Variants in MRC2 observed in about 807,000 individuals in gnomAD.
The protein encoded by MRC2 is C-type mannose receptor 2.
MRC2 carries 84 observed loss-of-function variants against 206.2 expected under a neutral mutation model. That is an observed-to-expected ratio of 0.41 (90% CI 0.34 to 0.49). MRC2 has a LOEUF of 0.49. Among genes scored for constraint, MRC2 ranks in the 20% least tolerant of loss-of-function variants. MRC2 has a pLI of 0.31. For missense variants in MRC2, 1,676 were observed against 2,001.5 expected (o/e 0.84, Z 3.10); for synonymous variants, 798 against 800.0 (o/e 1.00, Z 0.04).
chr17:62,651,933 T>C (rs2465421), intron 1 of MRC2, among the ~76,000 whole-genome samples: 99,148 of 152,116 alleles, frequency 0.65, 32,462 homozygotes, highest in East Asian at 0.82. Context: ...GAATACATTT[T>C]GCTACACATT....
In MRC2 at chr17:62,664,046, G is replaced by A. The variant is rs1190858776; in HGVS notation, c.119-502G>A. ...GGGATCTCGGCTCACTGCAAGCTCC[G>A]CCTCCCGGGTTCACGCCATTCTCCT... On this transcript the variant is annotated intron_variant, in intron 1 of 29. Coordinates refer to ENST00000303375, the MANE Select transcript of MRC2 (RefSeq NM_006039.5). The surrounding 1 kb of genome is among the most constrained non-coding windows in gnomAD (Gnocchi z 4.7). Among the ~76,000 whole-genome samples the A allele has an allele frequency of 7.0e-5, 10 of 143,636 alleles. No homozygotes were observed. The East Asian group carries it at 1.1e-3, about 15-fold the overall frequency. 94.2% of individuals were successfully genotyped at this position (143,636 alleles called of 152,430 possible).
chr17:62,680,760 C>T lies in MRC2; in HGVS notation c.2474-40C>T, dbSNP rs1008404680. ...GCCTCCGGGGCCTGGCGTGCAGCCT[C>T]TGCCTGGCCGCCGCTCCCACGCCCG... On this transcript the variant is annotated intron_variant, in intron 16 of 29. Coordinates refer to ENST00000303375, the MANE Select transcript of MRC2 (RefSeq NM_006039.5). The surrounding 1 kb of genome is among the most constrained non-coding windows in gnomAD (Gnocchi z 4.8). 4.6e-6 allele frequency: 7 copies of T among 1,520,336 alleles called. No homozygotes were observed. Among genetic ancestry groups the T allele is most frequent in the Non-Finnish European group, 6.2e-6 (7 of 1,136,026 alleles). 94.2% of individuals were successfully genotyped at this position (1,520,336 alleles called of 1,614,324 possible). A position where few individuals can be genotyped will look rare whatever the true frequency, so the allele number is the denominator to read the frequency against.
intron 26 of MRC2, 64 bp from the exon 27 acceptor site, chr17:62,690,578 C>T: frequency 6.8e-7 from 1 of 1,464,750 alleles, no homozygotes; most frequent in African/African-American, 1.7e-5. Context: ...GCTGGAGCAG[C>T]TCTGGGGGAC....
chr17:62,681,618 A>G (rs146096436), intron 18 of MRC2: 18 of 530,072 alleles, frequency 3.4e-5, no homozygotes, highest in Non-Finnish European at 5.9e-5. Context: ...TTTCTGGAGC[A>G]GCAAGTGTCC....
intron 1 of MRC2, among the ~76,000 whole-genome samples, chr17:62,651,675 A>G (rs1598974293): frequency 1.3e-5 from 2 of 152,280 alleles, no homozygotes; most frequent in African/African-American, 4.8e-5. Context: ...CCCGGGTTCA[A>G]GCAATTCTCC....
chr17:62,678,462 G>C, intron 12 of MRC2, 42 bp from the exon 13 acceptor site: 1 of 1,596,066 alleles, frequency 6.3e-7, no homozygotes, highest in Non-Finnish European at 8.5e-7. Context: ...TGAGGGGTGG[G>C]CCAGTGGGGA....
At chr17:62,655,744 A>G (rs2088611906) in intron 1 of MRC2, among the ~76,000 whole-genome samples, 1 of 151,582 alleles carries the variant, frequency 6.6e-6, no homozygotes, top group Admixed American at 6.6e-5. Context: ...AAAAAGAAAA[A>G]GAAAAGAAAA....
intron 1 of MRC2, among the ~76,000 whole-genome samples, chr17:62,660,652 C>A (rs1490034949): frequency 6.6e-6 from 1 of 152,204 alleles, no homozygotes; most frequent in Admixed American, 6.5e-5. Context: ...TAAAACCAAA[C>A]CTCCACAAGA....
rs1215326305 is a variant in MRC2 at position 62,668,645 on chromosome 17, G to A, written c.1117+1112G>A. ...CTGGCTTAAAGGGCATGGTGAAGAA[G>A]AGGCAGGTTGCAGCCAGTCTCTGCA... On this transcript the variant is annotated intron_variant, in intron 6 of 29. Coordinates refer to ENST00000303375, the MANE Select transcript of MRC2 (RefSeq NM_006039.5). 6.6e-5 allele frequency among the ~76,000 whole-genome samples: 10 copies of A among 152,340 alleles called. 1 individual carries two copies. The South Asian group carries it at 2.1e-3, about 32-fold the overall frequency.
At position 62,677,373 on chromosome 17, in the gene MRC2, A is replaced by T. The variant is rs1451352467; in HGVS notation, c.1939A>T (p.Ser647Cys). ...CCGGGCCCGCTACATCTGCCGGCAG[A>T]GCCTGGGCACTCCAGTGACGCCGGA... is the stretch of plus-strand genomic sequence containing the variant. ...SFRARYICRQ[S>C]LGTPVTPELP... is the part of the protein sequence containing the mutation. Residue 647 changes from serine to cysteine, a missense_variant, in exon 12 of 30, where the codon AGC becomes TGC. By Grantham distance (112) the Ser-to-Cys change is moderately radical. Around this residue, in one of 3 missense-constraint regions of MRC2, gnomAD observed 1,354 missense variants for 1,636.6 expected, o/e 0.83. Transcript: ENST00000303375. The T allele has an allele frequency of 6.2e-7, 1 of 1,610,484 alleles. No individual in the cohort carries two copies. The highest frequency in any genetic ancestry group is 8.5e-7 in the Non-Finnish European group (1 of 1,179,134).
At chr17:62,650,543 C>T (rs2088544265) in intron 1 of MRC2, among the ~76,000 whole-genome samples, 1 of 152,224 alleles carries the variant, frequency 6.6e-6, no homozygotes, top group African/African-American at 2.4e-5. Context: ...AATAAGTCTG[C>T]CTGGCCATCC....
chr17:62,668,412 G>C (rs1483855747), intron 6 of MRC2, among the ~76,000 whole-genome samples: 1 of 149,924 alleles, frequency 6.7e-6, no homozygotes, highest in Non-Finnish European at 1.5e-5. Flanking sequence ...AAAAAAGAAA[G>C]AAAAAGAAAA....
Position 62,664,955 on chromosome 17 carries a change from G to A in MRC2, c.520+6G>A. On this transcript the variant is annotated splice_donor_region_variant and intron_variant, in intron 2 of 29. Coordinates refer to ENST00000303375, the MANE Select transcript of MRC2 (RefSeq NM_006039.5). The surrounding 1 kb of genome is among the most constrained non-coding windows in gnomAD (Gnocchi z 4.7). ...ATGTGCTCTGCCCTACCACGGTGAG[G>A]GGCCGCTTGCAGGCGGGAGGGTGGG... 6.3e-7 allele frequency: 1 copy of A among 1,593,796 alleles called. No homozygotes were observed. Among genetic ancestry groups the A allele is most frequent in the Non-Finnish European group, 8.5e-7 (1 of 1,170,938 alleles).
rs1189735736 is a variant in MRC2 at position 62,676,482 on chromosome 17, G to A, written c.1785G>A (p.Trp595Ter). Residue 595 changes from tryptophan (W) to a stop codon, truncating the protein, a stop_gained, in exon 11 of 30, where the codon TGG becomes TGA. Coordinates refer to ENST00000303375, the MANE Select transcript of MRC2 (RefSeq NM_006039.5). LOFTEE classifies it high-confidence loss of function. ...QDLNSTGSFFWLSGDEVMYTH... is the reference protein window; with the variant it reads ...QDLNSTGSFF ...TCAACAGCACCGGCTCCTTCTTCTG[G>A]CTCAGTGGGGATGAAGTCATGTACA... 1.2e-6 allele frequency: 2 copies of A among 1,612,514 alleles called. No individual in the cohort carries two copies. The highest frequency in any genetic ancestry group is 2.7e-5 in the African/African-American group (2 of 74,862).
chr17:62,665,302 C>T (rs576501930), intron 2 of MRC2, among the ~76,000 whole-genome samples: 174 of 151,350 alleles, frequency 1.1e-3, no homozygotes, highest in African/African-American at 4.1e-3. Flanking sequence ...ACTTGGGAGG[C>T]TGAGGAAGGA....
intron 1 of MRC2, among the ~76,000 whole-genome samples, chr17:62,646,205 T>C (rs557864711): frequency 4.6e-5 from 7 of 151,926 alleles, no homozygotes; most frequent in Non-Finnish European, 8.8e-5. Context: ...TTTGTATTTT[T>C]AGTAGAGACG....
chr17:62,654,611 G>C (rs1394678770), intron 1 of MRC2, among the ~76,000 whole-genome samples: 1 of 152,116 alleles, frequency 6.6e-6, no homozygotes, highest in African/African-American at 2.4e-5. Flanking sequence ...TTTTGCTCCA[G>C]AGACACAAAC....
chr17:62,682,180 A>C, intron 19 of MRC2, 55 bp from the exon 20 acceptor site: 1 of 1,481,706 alleles, frequency 6.7e-7, no homozygotes, highest in Non-Finnish European at 9.0e-7. Context: ...GCTGCCAGCC[A>C]TGCCCTGCCC....
rs1429962303 is a variant in MRC2, at chr17:62,667,003, C to T, written c.973+133C>T. 6.9e-6 allele frequency: 5 copies of T among 726,482 alleles called. No homozygotes were observed. The highest frequency in any genetic ancestry group is 3.5e-5 in the South Asian group (2 of 56,718). 45.0% of individuals were successfully genotyped at this position (726,482 alleles called of 1,614,324 possible). A position where few individuals can be genotyped will look rare whatever the true frequency, so the allele number is the denominator to read the frequency against. On this transcript the variant is annotated intron_variant, in intron 5 of 29. Transcript: ENST00000303375. The surrounding 1 kb of genome is among the most constrained non-coding windows in gnomAD (Gnocchi z 4.1). ...GGGAAGCACCGACCTCCACCCCCCT[C>T]CCCAGACTGCGCCCCCCTAGCCCAT...
Sources: allele counts gnomAD v4.1 joint callset (sites outside exome capture counted in the v4.1 genomes callset), GRCh38; gene constraint gnomAD v4.1.1; regional missense constraint gnomAD v4.1.1; non-coding constraint Gnocchi (gnomAD v3.1); transcripts MANE v1.5; gene names NCBI Gene and HGNC (gene_info 2026-07-23, HGNC 2026-07-21).